Variants in VSTM2L observed in about 807,000 individuals in gnomAD.
VSTM2L encodes the protein V-set and transmembrane domain containing 2 like, also known as V-set and transmembrane domain-containing protein 2-like protein.
In VSTM2L, 9 loss-of-function variants were observed where a neutral mutation model predicts 19.9. The observed-to-expected ratio is 0.45, with a 90% CI of 0.27 to 0.79. The LOEUF (loss-of-function observed/expected upper bound fraction) is 0.79, where lower values mean the gene tolerates loss of function less well. Ranked by LOEUF, VSTM2L falls within the 30% of genes least tolerant of loss-of-function variation. VSTM2L has a pLI of 0.15. For synonymous variants in VSTM2L, 127 were observed against 133.8 expected, an observed-to-expected ratio of 0.95 and a Z score of 0.35; for missense variants, 286 against 295.5, an observed-to-expected ratio of 0.97 and a Z score of 0.24.
intron 1 of VSTM2L, among the ~76,000 whole-genome samples, chr20:37,919,280 G>A (rs756477595): frequency 4.6e-5 from 7 of 152,316 alleles, no homozygotes; most frequent in Non-Finnish European, 8.8e-5. Context: ...GCCCATCTGC[G>A]TTTGTTTGCC....
In VSTM2L at chr20:37,920,518, A is replaced by G. The variant is rs6126543; in HGVS notation, c.122-11117A>G. On this transcript the variant is annotated intron_variant, in intron 1 of 3. Coordinates refer to ENST00000373461, the MANE Select transcript of VSTM2L (RefSeq NM_080607.3). Reference sequence around the variant, plus strand: ...GTTTCACAAGATGACTTTATGGGCCATCTCAGGGGGAGCCTCCAGCCTGCC... The same window carrying G: ...GTTTCACAAGATGACTTTATGGGCCGTCTCAGGGGGAGCCTCCAGCCTGCC... 2.6e-4 allele frequency among the ~76,000 whole-genome samples: 40 copies of G among 152,164 alleles called. No homozygotes were observed. In the East Asian group the frequency reaches 7.2e-3, roughly 27 times the overall value.
chr20:37,912,018 C>T (rs553505127), intron 1 of VSTM2L, among the ~76,000 whole-genome samples: 60 of 152,320 alleles, frequency 3.9e-4, no homozygotes, highest in Middle Eastern at 3.4e-3. Flanking sequence ...CAGCAGCCAG[C>T]GTTCATCAAG....
chr20:37,931,517 C>CCCCCA, intron 1 of VSTM2L, 118 bp from the exon 2 acceptor site: 4 of 1,087,660 alleles, frequency 3.7e-6, no homozygotes, highest in East Asian at 2.5e-5. Context: ...GGTCACCCCA[C>CCCCCA]CCCCTCCACC....
chr20:37,925,229 C>T (rs2072873317), intron 1 of VSTM2L, among the ~76,000 whole-genome samples: 2 of 152,152 alleles, frequency 1.3e-5, no homozygotes, highest in South Asian at 4.2e-4. Context: ...TCCACCCATC[C>T]TTCAAGGCCC....
At position 37,903,315 on chromosome 20, in the gene VSTM2L, T is replaced by C. The variant is rs2122924394; in HGVS notation, c.-36T>C. The C allele has an allele frequency of 1.4e-6, 2 of 1,407,330 alleles. No homozygotes were observed. Among genetic ancestry groups the C allele is most frequent in the Non-Finnish European group, 1.8e-6 (2 of 1,088,868 alleles). 87.2% of individuals were successfully genotyped at this position (1,407,330 alleles called of 1,614,324 possible). On this transcript the variant is annotated 5_prime_UTR_variant, in exon 1 of 4. It removes an upstream start codon present in the reference 5' UTR. Transcript: ENST00000373461. ...GGTTCTGCGGTCTCCGGGGCCCAGA[T>C]GTGAGGCGGCGGCGCCCCCGGCCCG...
chr20:37,926,070 T>C (rs2072877631), intron 1 of VSTM2L, among the ~76,000 whole-genome samples: 1 of 152,162 alleles, frequency 6.6e-6, no homozygotes. Context: ...CTTTTTTTGT[T>C]TGTTTTTTGA....
intron 1 of VSTM2L, among the ~76,000 whole-genome samples, chr20:37,913,576 A>G (rs905940176): frequency 4.6e-5 from 7 of 152,340 alleles, no homozygotes; most frequent in South Asian, 2.1e-4. Flanking sequence ...CCCAGGGAAC[A>G]GTGCATAGGC....
At chr20:37,918,950 A>G (rs1029567760) in intron 1 of VSTM2L, among the ~76,000 whole-genome samples, 3 of 152,228 alleles carry the variant, frequency 2.0e-5, no homozygotes, top group African/African-American at 7.2e-5. Flanking sequence ...GGCCATATGA[A>G]CAGTGCACAT....
rs1338291931 is a variant in VSTM2L, at chr20:37,944,233, C to T, written c.595C>T (p.Gln199Ter). 1.3e-6 allele frequency: 2 copies of T among 1,516,798 alleles called. No homozygotes were observed. The highest frequency in any genetic ancestry group is 2.5e-5 in the East Asian group (1 of 40,384). 94.0% of individuals were successfully genotyped at this position (1,516,798 alleles called of 1,614,324 possible). A position where few individuals can be genotyped will look rare whatever the true frequency, so the allele number is the denominator to read the frequency against. ...GKELRKRSVD[Q>*]EACSL ...GGAGCTGAGGAAGCGCTCGGTGGAC[C>T]AGGAGGCCTGCAGCCTCTAGACTGA... Residue 199 changes from glutamine (Q) to a stop codon, truncating the protein, a stop_gained, in exon 4 of 4, where the codon CAG becomes TAG. Transcript: ENST00000373461. LOFTEE classifies it high-confidence loss of function.
intron 1 of VSTM2L, among the ~76,000 whole-genome samples, chr20:37,920,309 G>A (rs939738592): frequency 6.6e-6 from 1 of 152,242 alleles, no homozygotes; most frequent in Non-Finnish European, 1.5e-5. Context: ...GGATCACTGT[G>A]AGCATCATAT....
intron 3 of VSTM2L, among the ~76,000 whole-genome samples, chr20:37,940,676 T>A (rs2072967095): frequency 6.6e-6 from 1 of 152,222 alleles, no homozygotes; most frequent in Non-Finnish European, 1.5e-5. Flanking sequence ...TTCACCCTGC[T>A]ATAAAGAACT....
intron 1 of VSTM2L, among the ~76,000 whole-genome samples, chr20:37,920,326 A>C (rs2072843111): frequency 6.6e-6 from 1 of 152,242 alleles, no homozygotes; most frequent in Non-Finnish European, 1.5e-5. Flanking sequence ...ATATGGGATC[A>C]GGCACATCAC....
intron 1 of VSTM2L, among the ~76,000 whole-genome samples, chr20:37,930,733 G>C (rs1600570833): frequency 6.6e-6 from 1 of 152,112 alleles, no homozygotes; most frequent in South Asian, 2.1e-4. Context: ...CTGTGGTGGA[G>C]AGCTGGGCTC....
intron 3 of VSTM2L, among the ~76,000 whole-genome samples, chr20:37,936,490 G>A (rs116530372): frequency 0.011 from 1,604 of 152,274 alleles, 24 homozygotes; most frequent in African/African-American, 0.037. Context: ...GATCATTTAC[G>A]TCAGAGGACA....
chr20:37,920,685 A>G lies in VSTM2L; in HGVS notation c.122-10950A>G, dbSNP rs6021878. On this transcript the variant is annotated intron_variant, in intron 1 of 3. Coordinates refer to ENST00000373461, the MANE Select transcript of VSTM2L (RefSeq NM_080607.3). ...AGCCTCACTTAGGACCTCCCTGCTT[A>G]TGCATGTCCATAGTGTCCACATGTC... Among the ~76,000 whole-genome samples, 349 of 152,274 alleles carry G rather than the reference A, an allele frequency of 2.3e-3. 4 individuals are homozygous for G. The highest frequency in any genetic ancestry group is 7.8e-3 in the African/African-American group (326 of 41,568).
chr20:37,915,282 C>T (rs991106900), intron 1 of VSTM2L, among the ~76,000 whole-genome samples: 2 of 152,184 alleles, frequency 1.3e-5, no homozygotes, highest in African/African-American at 2.4e-5. Flanking sequence ...CGGGCCCCAC[C>T]CGCGCTGCTG....
At chr20:37,914,743 G>A (rs1316911099) in intron 1 of VSTM2L, among the ~76,000 whole-genome samples, 1 of 152,168 alleles carries the variant, frequency 6.6e-6, no homozygotes, top group Non-Finnish European at 1.5e-5. Context: ...CGCCCACCTT[G>A]CAGAGGGGAA....
chr20:37,938,455 G>A (rs1284521026), intron 3 of VSTM2L, among the ~76,000 whole-genome samples: 2 of 152,192 alleles, frequency 1.3e-5, no homozygotes, highest in African/African-American at 2.4e-5. Context: ...CTTCCCTGGG[G>A]CCTCCACCTC....
chr20:37,905,382 TC>T (rs1245763979), intron 1 of VSTM2L, among the ~76,000 whole-genome samples: 11 of 151,754 alleles, frequency 7.2e-5, no homozygotes, highest in South Asian at 6.2e-4. Context: ...CCAAGGTGGC[TC>T]CCCCCCATAG....
Sources: allele counts gnomAD v4.1 joint callset (sites outside exome capture counted in the v4.1 genomes callset), GRCh38; gene constraint gnomAD v4.1.1; transcripts MANE v1.5; gene names NCBI Gene and HGNC (gene_info 2026-07-23, HGNC 2026-07-21).